The following LCOR variants were observed in gnomAD, a reference collection of about 807,000 sequenced individuals.
The protein encoded by LCOR is ligand dependent nuclear receptor corepressor.
Under a neutral mutation model 64.4 loss-of-function variants are expected in LCOR, and 14 were observed. That is an observed-to-expected ratio of 0.22 (90% confidence interval 0.14 to 0.34). The LOEUF (loss-of-function observed/expected upper bound fraction) is 0.34. Among genes scored for constraint, LCOR ranks in the 10% least tolerant of loss-of-function variants. The pLI, the probability that LCOR is intolerant of heterozygous loss-of-function variation, is 1.00. For missense variants in LCOR, 1,686 were observed against 1,765.3 expected (o/e 0.96, Z 0.80); for synonymous variants, 643 against 642.5 (o/e 1.00, Z -0.01).
At chr10:96,975,453 A>G (rs184510118) in intron 7 of LCOR, among the ~76,000 whole-genome samples, 1 of 152,040 alleles carries the variant, frequency 6.6e-6, no homozygotes, top group African/African-American at 2.4e-5. Context: ...CTTAATATGT[A>G]TAGTACAGAG....
Position 96,832,314 on chromosome 10 carries a change from G to T in LCOR, c.-489G>T. On this transcript the variant is annotated 5_prime_UTR_variant, in exon 1 of 8. Coordinates refer to ENST00000421806, the MANE Select transcript of LCOR (RefSeq NM_001346516.2). ...GCGGGCGGCAGAAGATGGCGAGGGT[G>T]TGTAGGCGGCAGCAATGCTCCGTTG... 4.1e-6 allele frequency: 4 copies of T among 983,592 alleles called. No individual in the cohort carries two copies. Among genetic ancestry groups the T allele is most frequent in the Non-Finnish European group, 4.8e-6 (4 of 829,162 alleles). The allele number at this position is 983,592 out of a possible 1,614,324, so 60.9% of individuals were successfully genotyped here.
At chr10:96,941,264 G>C (rs1316640864) in intron 4 of LCOR, among the ~76,000 whole-genome samples, 1 of 139,134 alleles carries the variant, frequency 7.2e-6, no homozygotes, top group Non-Finnish European at 1.6e-5. Context: ...CCTCCCGGAC[G>C]GGGCGGCTGG....
Position 96,987,876 on chromosome 10 carries a change from TTC to T in LCOR, c.*2744_*2745del, listed in dbSNP as rs1317456492. ...TTGTTTTCCCTACCTTGCAAAAACC[TTC>T]TTCCCAGAGCCATCTTCAAGAATGG... On this transcript the variant is annotated 3_prime_UTR_variant, in exon 8 of 8. Transcript: ENST00000421806. 2.0e-5 allele frequency: 3 copies of T among 152,208 alleles called. No homozygotes were observed. Among genetic ancestry groups the T allele is most frequent in the Admixed American group, 6.5e-5 (1 of 15,278 alleles). The allele number at this position is 152,208 out of a possible 1,614,324, so 9.4% of individuals were successfully genotyped here.
At chr10:96,897,605 T>C (rs1296446042) in intron 2 of LCOR, among the ~76,000 whole-genome samples, 1 of 152,250 alleles carries the variant, frequency 6.6e-6, no homozygotes, top group Non-Finnish European at 1.5e-5. Context: ...TGTATGTAAA[T>C]ACTGTATTCT....
rs947216832 is a variant in LCOR, at chr10:96,993,195, C to T, written c.*8061C>T. 3 of 152,214 alleles carry T rather than the reference C, an allele frequency of 2.0e-5. No individual in the cohort carries two copies. The highest frequency in any genetic ancestry group is 4.4e-5 in the Non-Finnish European group (3 of 68,050). The allele number at this position is 152,214 out of a possible 1,614,324, so 9.4% of individuals were successfully genotyped here. ...GGGCTGGCTGGACTGAGAATTGCAA[C>T]TCCAGGACAGCAGGGAGCTTTGGGA... On this transcript the variant is annotated 3_prime_UTR_variant, in exon 8 of 8. Coordinates refer to ENST00000421806, the MANE Select transcript of LCOR (RefSeq NM_001346516.2).
At chr10:96,873,107 A>C (rs1846100291) in intron 2 of LCOR, among the ~76,000 whole-genome samples, 1 of 152,184 alleles carries the variant, frequency 6.6e-6, no homozygotes, top group Non-Finnish European at 1.5e-5. Flanking sequence ...ACATGATTTT[A>C]ATAAAAATGG....
intron 4 of LCOR, among the ~76,000 whole-genome samples, chr10:96,940,055 C>G (rs938636000): frequency 2.0e-5 from 3 of 152,118 alleles, no homozygotes; most frequent in Non-Finnish European, 2.9e-5. Flanking sequence ...CATCATTAGT[C>G]AATTAGAAAA....
At chr10:96,847,536 A>C (rs1010835987) in intron 2 of LCOR, among the ~76,000 whole-genome samples, 5 of 152,012 alleles carry the variant, frequency 3.3e-5, no homozygotes, top group Admixed American at 6.5e-5. Flanking sequence ...TCCGCCTCCC[A>C]GGTTAAGCAA....
In LCOR at chr10:96,933,920, C is replaced by A. The variant is rs538991814; in HGVS notation, c.-183-10193C>A. 1.2e-4 allele frequency among the ~76,000 whole-genome samples: 19 copies of A among 152,310 alleles called. No individual in the cohort carries two copies. The East Asian group carries it at 3.3e-3, about 26-fold the overall frequency. The stretch of plus-strand genomic sequence containing the variant: ...CATGAAATAATTCACTTTGAAAATA[C>A]TTCTGACTCAACAATTTACAGCTGT... On this transcript the variant is annotated intron_variant, in intron 4 of 7. Transcript: ENST00000421806.
intron 2 of LCOR, among the ~76,000 whole-genome samples, chr10:96,893,904 A>G (rs1414334778): frequency 6.6e-6 from 1 of 152,136 alleles, no homozygotes; most frequent in Non-Finnish European, 1.5e-5. Flanking sequence ...TACTCCTTCT[A>G]TTACACTACA....
chr10:96,900,157 A>G (rs1317843985), intron 2 of LCOR, among the ~76,000 whole-genome samples: 2 of 152,156 alleles, frequency 1.3e-5, no homozygotes, highest in Non-Finnish European at 2.9e-5. Context: ...AGTACATTTT[A>G]TATCAATGGA....
In LCOR at chr10:96,952,129, A is replaced by C. The variant is rs768193892; in HGVS notation, c.265A>C (p.Lys89Gln). ...CGGTGTACTTGATCTGTCCACTAAG[A>C]AAAGTCCATGTGCTGGCAGCACTTC... ...QDGVLDLSTK[K>Q]SPCAGSTSLS... Residue 89 changes from lysine (K) to glutamine (Q), a missense_variant, in exon 7 of 8, where the codon AAA (lysine) becomes CAA (glutamine). This residue lies in a region of LCOR where 80 missense variants were observed against 107.7 expected (regional missense o/e 0.74). Transcript: ENST00000421806. 36 of 1,614,038 alleles carry C rather than the reference A, an allele frequency of 2.2e-5. No individual in the cohort carries two copies. Among genetic ancestry groups the C allele is most frequent in the Non-Finnish European group, 2.9e-5 (34 of 1,179,916 alleles).
chr10:96,885,938 T>C (rs117944670), intron 2 of LCOR, among the ~76,000 whole-genome samples: 7,199 of 152,154 alleles, frequency 0.047, 256 homozygotes, highest in East Asian at 0.18. Context: ...AGTGCAGTGG[T>C]GCAATCTCAG....
intron 4 of LCOR, among the ~76,000 whole-genome samples, chr10:96,920,878 G>C (rs1847069050): frequency 6.6e-6 from 1 of 151,484 alleles, no homozygotes; most frequent in Non-Finnish European, 1.5e-5. Context: ...GCTTGCTGCA[G>C]CCGTGACCTC....
intron 4 of LCOR, among the ~76,000 whole-genome samples, chr10:96,929,973 G>A (rs1171792701): frequency 1.3e-5 from 2 of 151,030 alleles, no homozygotes; most frequent in Non-Finnish European, 1.5e-5. Flanking sequence ...TACAGGTGCA[G>A]TGTGTGGGAC....
intron 7 of LCOR, chr10:96,957,881 T>G: frequency 1.4e-5 from 14 of 986,232 alleles, no homozygotes; most frequent in Non-Finnish European, 1.7e-5. Context: ...CCTCTTAGCT[T>G]TCTAGACTTC....
At chr10:96,930,807 C>CAA (rs1305911014) in intron 4 of LCOR, among the ~76,000 whole-genome samples, 1 of 152,198 alleles carries the variant, frequency 6.6e-6, no homozygotes, top group Non-Finnish European at 1.5e-5. Context: ...GGCTAGCTTA[C>CAA]TTGCCCTTCT....
At chr10:96,901,120 C>G (rs1391382208) in intron 2 of LCOR, among the ~76,000 whole-genome samples, 1 of 151,828 alleles carries the variant, frequency 6.6e-6, no homozygotes. Flanking sequence ...ACCCGGGAGG[C>G]GGAGCTTGCA....
In LCOR at chr10:96,922,306, A is replaced by G. The variant is rs115330387; in HGVS notation, c.-184+14559A>G. ...CCACTGTGGGATCAATAAAGATGCT[A>G]TAAGTGAAAGAAAGAAGTTTTGGCC... On this transcript the variant is annotated intron_variant, in intron 4 of 7. Coordinates refer to ENST00000421806, the MANE Select transcript of LCOR (RefSeq NM_001346516.2). 3.3e-3 allele frequency among the ~76,000 whole-genome samples: 501 copies of G among 152,270 alleles called. 3 individuals carry two copies. Among genetic ancestry groups the G allele is most frequent in the African/African-American group, 0.012 (482 of 41,566 alleles).
Sources: gnomAD v4.1 joint callset for allele counts (sites outside exome capture counted in the v4.1 genomes callset) on GRCh38, gnomAD v4.1.1 for gene constraint, gnomAD v4.1.1 regional missense constraint, MANE v1.5 for transcripts, NCBI Gene and HGNC (gene_info 2026-07-23, HGNC 2026-07-21) for gene names.